Variants in PTPRD observed in about 807,000 individuals in gnomAD.
PTPRD encodes the protein protein tyrosine phosphatase receptor type D.
PTPRD carries 34 observed loss-of-function variants against 214.5 expected under a neutral mutation model. The observed-to-expected ratio is 0.16, with a 90% CI of 0.12 to 0.21. The LOEUF (loss-of-function observed/expected upper bound fraction) is 0.21. PTPRD is among the 10% of genes least tolerant of loss of function. The pLI is 1.00. For synonymous variants in PTPRD, 1,128 were observed against 845.7 expected, an observed-to-expected ratio of 1.33 and a Z score of -5.79; for missense variants, 2,545 against 2,398.7, an observed-to-expected ratio of 1.06 and a Z score of -1.27.
intron 8 of PTPRD, among the ~76,000 whole-genome samples, chr9:9,404,624 G>A (rs1464047656): frequency 6.6e-6 from 1 of 151,998 alleles, no homozygotes; most frequent in Non-Finnish European, 1.5e-5. Context: ...ATTTTAAGTG[G>A]GACATATATT....
intron 3 of PTPRD, among the ~76,000 whole-genome samples, chr9:10,170,006 T>C (rs1215592833): frequency 1.3e-5 from 2 of 151,936 alleles, no homozygotes; most frequent in Non-Finnish European, 2.9e-5. Context: ...TATGATACTC[T>C]CTTATCACAA....
rs150404685 is a variant in PTPRD at position 10,289,998 on chromosome 9, G to T, written c.-545+50965C>A. Among the ~76,000 whole-genome samples, 796 of 152,104 alleles carry T rather than the reference G, an allele frequency of 5.2e-3. 8 individuals carry two copies. The highest frequency in any genetic ancestry group is 0.018 in the African/African-American group (751 of 41,494). Reference sequence around the variant, plus strand: ...GTGAAATTTAAAAGTTGGCATTTTGGTCAATTTGGATTTTTCCTAAATGCT... The same window carrying T: ...GTGAAATTTAAAAGTTGGCATTTTGTTCAATTTGGATTTTTCCTAAATGCT... On this transcript the variant is annotated intron_variant, in intron 3 of 45. Coordinates refer to ENST00000381196, the MANE Select transcript of PTPRD (RefSeq NM_002839.4).
chr9:10,177,020 T>C lies in PTPRD; in HGVS notation c.-544-143230A>G, dbSNP rs191431022. ...TGCTCATCCATGTAACCTACACATG[T>C]TACAACCAGCATGCTAGGTACATGG... On this transcript the variant is annotated intron_variant, in intron 3 of 45. Transcript: ENST00000381196. Among the ~76,000 whole-genome samples the C allele has an allele frequency of 7.2e-5, 11 of 152,050 alleles. No individual in the cohort carries two copies. In the East Asian group the frequency reaches 1.9e-3, roughly 27 times the overall value.
intron 2 of PTPRD, among the ~76,000 whole-genome samples, chr9:10,604,664 A>G (rs1044851148): frequency 6.6e-6 from 1 of 151,818 alleles, no homozygotes; most frequent in Non-Finnish European, 1.5e-5. Context: ...GCTAGCACAT[A>G]TGACACACAA....
chr9:10,495,655 T>C (rs2041834319), intron 2 of PTPRD, among the ~76,000 whole-genome samples: 2 of 151,836 alleles, frequency 1.3e-5, no homozygotes, highest in Non-Finnish European at 2.9e-5. Flanking sequence ...AGGAAAATAT[T>C]CTAATATATT....
At chr9:8,685,472 C>T (rs1432320683) in intron 12 of PTPRD, among the ~76,000 whole-genome samples, 8 of 152,000 alleles carry the variant, frequency 5.3e-5, no homozygotes, top group Non-Finnish European at 8.8e-5. Context: ...CTCCTGTGGG[C>T]AAACGCTGCA....
intron 7 of PTPRD, among the ~76,000 whole-genome samples, chr9:9,610,731 AC>A (rs2094468798): frequency 6.6e-6 from 1 of 152,156 alleles, no homozygotes; most frequent in African/African-American, 2.4e-5. Flanking sequence ...TGTTCTGATT[AC>A]CTTTTTTTAA....
intron 9 of PTPRD, among the ~76,000 whole-genome samples, chr9:9,190,956 G>C (rs922709098): frequency 6.6e-6 from 1 of 152,024 alleles, no homozygotes; most frequent in African/African-American, 2.4e-5. Flanking sequence ...ATGTTGAACT[G>C]TCACATATAG....
At chr9:9,518,707 G>A (rs570278301) in intron 8 of PTPRD, among the ~76,000 whole-genome samples, 1 of 152,108 alleles carries the variant, frequency 6.6e-6, no homozygotes. Flanking sequence ...GTGTGAAAGA[G>A]TTTTAATGTA....
intron 5 of PTPRD, among the ~76,000 whole-genome samples, chr9:9,858,302 T>A (rs1308129018): frequency 6.6e-6 from 1 of 152,232 alleles, no homozygotes; most frequent in Non-Finnish European, 1.5e-5. Flanking sequence ...GCTTTGTATT[T>A]AGCCAGCATA....
chr9:9,495,745 G>T (rs114589027), intron 8 of PTPRD, among the ~76,000 whole-genome samples: 2 of 152,116 alleles, frequency 1.3e-5, no homozygotes, highest in Non-Finnish European at 2.9e-5. Flanking sequence ...CTTGGATGCT[G>T]GACAAGAGCT....
At chr9:10,491,076 T>A (rs953273860) in intron 2 of PTPRD, among the ~76,000 whole-genome samples, 6 of 152,256 alleles carry the variant, frequency 3.9e-5, no homozygotes, top group Middle Eastern at 3.4e-3. Flanking sequence ...ATGCAAAGAG[T>A]TGAACTGCCT....
At chr9:10,312,740 A>C (rs1437348082) in intron 3 of PTPRD, among the ~76,000 whole-genome samples, 1 of 151,982 alleles carries the variant, frequency 6.6e-6, no homozygotes, top group Non-Finnish European at 1.5e-5. Context: ...TAAAGTAGCA[A>C]GTCACCCAAA....
At chr9:10,202,526 T>C (rs2099430212) in intron 3 of PTPRD, among the ~76,000 whole-genome samples, 1 of 150,864 alleles carries the variant, frequency 6.6e-6, no homozygotes, top group Non-Finnish European at 1.5e-5. Flanking sequence ...TCATGATTGT[T>C]TGCATTTCTT....
chr9:9,119,711 A>G (rs1006522376), intron 10 of PTPRD, among the ~76,000 whole-genome samples: 2 of 151,924 alleles, frequency 1.3e-5, no homozygotes, highest in Non-Finnish European at 2.9e-5. Context: ...TTTAGTAGAG[A>G]CGGGGTTTCA....
chr9:9,770,186 T>A (rs2098740815), intron 5 of PTPRD, among the ~76,000 whole-genome samples: 1 of 152,238 alleles, frequency 6.6e-6, no homozygotes, highest in Non-Finnish European at 1.5e-5. Context: ...ATCGCCACAC[T>A]GTCTTCCACA....
intron 5 of PTPRD, among the ~76,000 whole-genome samples, chr9:9,836,260 C>A (rs1246325823): frequency 2.0e-5 from 3 of 152,126 alleles, no homozygotes; most frequent in Non-Finnish European, 2.9e-5. Context: ...TACAAGTTAA[C>A]TTAAGGCTTA....
intron 3 of PTPRD, among the ~76,000 whole-genome samples, chr9:10,145,604 A>G (rs1222889746): frequency 6.6e-6 from 1 of 152,158 alleles, no homozygotes; most frequent in Non-Finnish European, 1.5e-5. Flanking sequence ...TCTAGTCAAT[A>G]GTAACCCATT....
chr9:8,539,864 C>T (rs372979988), intron 14 of PTPRD, among the ~76,000 whole-genome samples: 24 of 152,184 alleles, frequency 1.6e-4, no homozygotes, highest in African/African-American at 5.8e-4. Context: ...ATTATAAAAA[C>T]TTGAATGGCG....
Sources: allele counts gnomAD v4.1 joint callset (sites outside exome capture counted in the v4.1 genomes callset), GRCh38; gene constraint gnomAD v4.1.1; transcripts MANE v1.5; gene names NCBI Gene and HGNC (gene_info 2026-07-23, HGNC 2026-07-21).